Variants in AP3B2 observed in about 807,000 individuals in gnomAD.
AP3B2 encodes adaptor related protein complex 3 subunit beta 2, also known as AP-3 complex subunit beta-2.
AP3B2 carries 50 observed loss-of-function variants against 126.9 expected under a neutral mutation model. The ratio of observed to expected loss-of-function variants is 0.39; its 90% CI spans 0.31 to 0.50. The LOEUF (loss-of-function observed/expected upper bound fraction) is 0.50. AP3B2 is among the 20% of genes least tolerant of loss of function. The pLI, the probability that AP3B2 is intolerant of heterozygous loss-of-function variation, is 0.79. For missense variants in AP3B2, 1,177 were observed against 1,426.4 expected (o/e 0.83, Z 2.82); for synonymous variants, 541 against 565.0 (o/e 0.96, Z 0.60).
Position 82,681,339 on chromosome 15 carries a change from C to A in AP3B2, c.521+81G>T. On this transcript the variant is annotated intron_variant, in intron 5 of 26. Coordinates refer to ENST00000535359, the MANE Select transcript of AP3B2 (RefSeq NM_001278512.2). This position sits in a 1 kb window ranked among gnomAD's most constrained non-coding sequence, Gnocchi z 4.0. ...CTCAAACCCTCTGAGAAGCAGCAGG[C>A]AAGACTTAGGAAAGGCCAGGGGTGG... The A allele has an allele frequency of 1.3e-6, 2 of 1,577,222 alleles. No homozygotes were observed. The highest frequency in any genetic ancestry group is 1.7e-6 in the Non-Finnish European group (2 of 1,158,226).
At chr15:82,672,803 C>T (rs898397945) in intron 14 of AP3B2, among the ~76,000 whole-genome samples, 7 of 152,206 alleles carry the variant, frequency 4.6e-5, no homozygotes, top group Non-Finnish European at 8.8e-5. Context: ...GCTCTAGAGA[C>T]TTTCTCCCTT....
chr15:82,679,012 C>G (rs1369114094), intron 10 of AP3B2, among the ~76,000 whole-genome samples: 1 of 152,144 alleles, frequency 6.6e-6, no homozygotes, highest in African/African-American at 2.4e-5. Context: ...TGCAGGAGAG[C>G]CTGAGGGGGC....
intron 4 of AP3B2, among the ~76,000 whole-genome samples, chr15:82,683,700 T>C (rs1362605758): frequency 6.6e-6 from 1 of 152,200 alleles, no homozygotes; most frequent in Non-Finnish European, 1.5e-5. Flanking sequence ...GGTTTTCAAT[T>C]TACTTTGTCC....
At chr15:82,676,667 G>A (rs767765574) in intron 13 of AP3B2, 30 bp from the exon 14 acceptor site, 10 of 1,609,652 alleles carry the variant, frequency 6.2e-6, no homozygotes, top group Non-Finnish European at 7.6e-6. Context: ...GTGAAGATGG[G>A]TAAATACGGG....
intron 14 of AP3B2, among the ~76,000 whole-genome samples, chr15:82,669,392 A>C (rs2048111310): frequency 6.6e-6 from 1 of 152,234 alleles, no homozygotes; most frequent in African/African-American, 2.4e-5. Context: ...TACAAAATCC[A>C]CATAAAAATC....
intron 12 of AP3B2, 91 bp from the exon 13 acceptor site, chr15:82,677,474 G>A: frequency 7.1e-7 from 1 of 1,400,464 alleles, no homozygotes; most frequent in Middle Eastern, 1.8e-4. Flanking sequence ...CAGGCCCTTG[G>A]CTCTTTCTCT....
chr15:82,706,995 G>C (rs2048806875), intron 1 of AP3B2, among the ~76,000 whole-genome samples: 1 of 152,180 alleles, frequency 6.6e-6, no homozygotes, highest in African/African-American at 2.4e-5. Flanking sequence ...CTTGGTCTGG[G>C]TAGATACTTT....
In AP3B2 at chr15:82,659,536, C is replaced by CA. The variant is rs2047898820; in HGVS notation, c.*23dup. On this transcript the variant is annotated 3_prime_UTR_variant, in exon 27 of 27. Transcript: ENST00000535359. Reference sequence around the variant, plus strand: ...GTCATGGGGAGGTATAGATGGGAGCCAAACAGGTCACAGCATTTGGAAGTC... The same window carrying CA: ...GTCATGGGGAGGTATAGATGGGAGCCAAAACAGGTCACAGCATTTGGAAGTC... The CA allele has an allele frequency of 1.2e-6, 2 of 1,611,774 alleles. No individual in the cohort carries two copies. The highest frequency in any genetic ancestry group is 2.7e-5 in the African/African-American group (2 of 74,990).
At chr15:82,703,775 C>T (rs1349790085) in intron 1 of AP3B2, among the ~76,000 whole-genome samples, 2 of 152,060 alleles carry the variant, frequency 1.3e-5, no homozygotes, top group Non-Finnish European at 2.9e-5. Context: ...CTCCTTCTTT[C>T]CCTCCCGCCT....
Position 82,681,382 on chromosome 15 carries a change from C to A in AP3B2, c.521+38G>T, listed in dbSNP as rs1247672628. 4 of 1,607,946 alleles carry A rather than the reference C, an allele frequency of 2.5e-6. No homozygotes were observed. In the East Asian group the frequency reaches 6.7e-5, roughly 27 times the overall value. On this transcript the variant is annotated intron_variant, in intron 5 of 26. Transcript: ENST00000535359. The surrounding 1 kb of genome is among the most constrained non-coding windows in gnomAD (Gnocchi z 4.0). ...AGGGGTGGGTTGAGAACTTAGGAAC[C>A]AGCCTCCTGGGGAGCGTGGGACAGG...
chr15:82,665,953 T>C lies in AP3B2; in HGVS notation c.1853-378A>G, dbSNP rs2048050830. ...GAGTGTGTAGAAGTCTGGATCAGAG[T>C]TGAGGCACTGCTGGAGGAGGGCAGC... On this transcript the variant is annotated intron_variant, in intron 15 of 26. Transcript: ENST00000535359. The surrounding 1 kb of genome is among the most constrained non-coding windows in gnomAD (Gnocchi z 4.4). 6.6e-6 allele frequency among the ~76,000 whole-genome samples: 1 copy of C among 151,868 alleles called. No individual in the cohort carries two copies. Among genetic ancestry groups the C allele is most frequent in the Non-Finnish European group, 1.5e-5 (1 of 67,930 alleles).
chr15:82,659,536 CA>C lies in AP3B2; in HGVS notation c.*23del. On this transcript the variant is annotated 3_prime_UTR_variant, in exon 27 of 27. Transcript: ENST00000535359. ...GTCATGGGGAGGTATAGATGGGAGC[CA>C]AACAGGTCACAGCATTTGGAAGTCA... is the stretch of plus-strand genomic sequence containing the variant. 6.2e-7 allele frequency: 1 copy of C among 1,611,774 alleles called. No individual in the cohort carries two copies. Among genetic ancestry groups the C allele is most frequent in the Non-Finnish European group, 8.5e-7 (1 of 1,178,578 alleles).
At chr15:82,682,925 A>C (rs1211620094) in intron 4 of AP3B2, among the ~76,000 whole-genome samples, 1 of 36,222 alleles carries the variant, frequency 2.8e-5, no homozygotes, top group East Asian at 9.0e-4. Context: ...CAGTCTCTAC[A>C]AAAAAAAAAA....
At chr15:82,704,087 C>G (rs753512352) in intron 1 of AP3B2, among the ~76,000 whole-genome samples, 1 of 152,136 alleles carries the variant, frequency 6.6e-6, no homozygotes, top group South Asian at 2.1e-4. Flanking sequence ...TCAAGGTTAA[C>G]GCTCCTTTTC....
rs1201829802 is a variant in AP3B2 at position 82,665,201 on chromosome 15, CACAG to C, written c.2028+42_2028+45del. On this transcript the variant is annotated intron_variant, in intron 17 of 26. Transcript: ENST00000535359. The surrounding 1 kb of genome is among the most constrained non-coding windows in gnomAD (Gnocchi z 4.4). ...ACAACACACAGGGGAAGAAGAGGGA[CACAG>C]ACAGGGCAGGGGAGAGAGCACACGT... 6 of 1,523,958 alleles carry C rather than the reference CACAG, an allele frequency of 3.9e-6. No homozygotes were observed. The highest frequency in any genetic ancestry group is 1.4e-5 in the African/African-American group (1 of 72,718). The allele number at this position is 1,523,958 out of a possible 1,614,324, so 94.4% of individuals were successfully genotyped here.
intron 1 of AP3B2, among the ~76,000 whole-genome samples, chr15:82,693,251 CTT>C (rs34952641): frequency 4.2e-5 from 5 of 118,488 alleles, no homozygotes; most frequent in Non-Finnish European, 3.5e-5. Flanking sequence ...CTTTGCAGCA[CTT>C]TTTTTTTTTT....
intron 13 of AP3B2, 72 bp from the exon 14 acceptor site, chr15:82,676,709 G>A: frequency 6.7e-7 from 1 of 1,491,998 alleles, no homozygotes; most frequent in Non-Finnish European, 9.1e-7. Context: ...GGACTTCCAG[G>A]GAAACAGCAC....
At position 82,695,345 on chromosome 15, in the gene AP3B2, C is replaced by T. The variant is rs948517386; in HGVS notation, c.114-5892G>A. ...AACTCCTGACCTCAAGTGATCCACCCGCCTTGGCCTCCAAAAGTGCTGGGA... is the reference window on the plus strand; with the variant it reads ...AACTCCTGACCTCAAGTGATCCACCTGCCTTGGCCTCCAAAAGTGCTGGGA... On this transcript the variant is annotated intron_variant, in intron 1 of 26. Coordinates refer to ENST00000535359, the MANE Select transcript of AP3B2 (RefSeq NM_001278512.2). Among the ~76,000 whole-genome samples the T allele has an allele frequency of 1.4e-4, 22 of 152,018 alleles. 1 individual carries two copies. The highest frequency in any genetic ancestry group is 1.0e-3 in the Admixed American group (16 of 15,270).
chr15:82,673,491 G>A (rs1300061980), intron 14 of AP3B2, among the ~76,000 whole-genome samples: 1 of 152,152 alleles, frequency 6.6e-6, no homozygotes, highest in East Asian at 1.9e-4. Context: ...TGGGATTACA[G>A]GTGTGAGCCA....
Sources: gnomAD v4.1 joint callset for allele counts (sites outside exome capture counted in the v4.1 genomes callset) on GRCh38, gnomAD v4.1.1 for gene constraint, Gnocchi (gnomAD v3.1) non-coding constraint, MANE v1.5 for transcripts, NCBI Gene and HGNC (gene_info 2026-07-23, HGNC 2026-07-21) for gene names.